KIAA1671: variants seen among roughly 807,000 people sequenced by gnomAD.
KIAA1671 encodes uncharacterized protein KIAA1671.
KIAA1671 carries 52 observed loss-of-function variants against 131.2 expected under a neutral mutation model. The ratio of observed to expected loss-of-function variants is 0.40; its 90% CI spans 0.32 to 0.50. KIAA1671 has a LOEUF of 0.50. Ranked by LOEUF, KIAA1671 falls within the 20% of genes least tolerant of loss-of-function variation. KIAA1671 has a pLI of 0.73. For missense variants in KIAA1671, 2,360 were observed against 2,364.2 expected (o/e 1.00, Z 0.04); for synonymous variants, 1,003 against 961.6 (o/e 1.04, Z -0.80).
chr22:25,031,192 A>G (rs1282146110), intron 3 of KIAA1671, among the ~76,000 whole-genome samples: 6 of 134,752 alleles, frequency 4.5e-5, no homozygotes, highest in Admixed American at 7.2e-5. Context: ...ACACCCAGCT[A>G]ATTTTTTTTT....
chr22:25,069,921 A>G lies in KIAA1671; in HGVS notation c.4530+20557A>G, dbSNP rs187137663. 253 of 156,200 alleles carry G rather than the reference A, an allele frequency of 1.6e-3. 3 individuals are homozygous for G. The South Asian group carries it at 0.041, about 25-fold the overall frequency. The allele number at this position is 156,200 out of a possible 1,614,324, so 9.7% of individuals were successfully genotyped here. A position where few individuals can be genotyped will look rare whatever the true frequency, so the allele number is the denominator to read the frequency against. ...TGCACACATACTTGACTCCACGTAAAAGCATGTACACACACACTCCTTCAT... is the reference window on the plus strand; with the variant it reads ...TGCACACATACTTGACTCCACGTAAGAGCATGTACACACACACTCCTTCAT... On this transcript the variant is annotated intron_variant, in intron 6 of 12. Transcript: ENST00000358431.
At chr22:24,985,045 A>G (rs764727056) in intron 1 of KIAA1671, among the ~76,000 whole-genome samples, 1 of 152,088 alleles carries the variant, frequency 6.6e-6, no homozygotes, top group African/African-American at 2.4e-5. Context: ...GATAATTCCA[A>G]CTGTTCCAGA....
intron 6 of KIAA1671, among the ~76,000 whole-genome samples, chr22:25,116,642 G>T (rs368047195): frequency 6.6e-6 from 1 of 151,108 alleles, no homozygotes; most frequent in African/African-American, 2.4e-5. Context: ...GGCTGGTCTC[G>T]AACTCTGGCC....
chr22:24,986,973 C>G (rs939426688), intron 1 of KIAA1671, among the ~76,000 whole-genome samples: 21 of 151,814 alleles, frequency 1.4e-4, no homozygotes, highest in Non-Finnish European at 2.9e-4. Flanking sequence ...GCCATAAGAC[C>G]TCTGTCACAC....
chr22:25,108,648 T>C (rs528042837), intron 6 of KIAA1671, among the ~76,000 whole-genome samples: 29 of 152,278 alleles, frequency 1.9e-4, no homozygotes, highest in Non-Finnish European at 3.4e-4. Flanking sequence ...GGTGGAGTAA[T>C]ACTTCTGGAT....
At chr22:25,089,048 A>G (rs1450318333) in intron 6 of KIAA1671, among the ~76,000 whole-genome samples, 1 of 152,208 alleles carries the variant, frequency 6.6e-6, no homozygotes, top group African/African-American at 2.4e-5. Flanking sequence ...TATTCCCTAA[A>G]CAATACAGCA....
chr22:25,061,316 T>C (rs911682937), intron 6 of KIAA1671: 4 of 152,166 alleles, frequency 2.6e-5, no homozygotes, highest in African/African-American at 7.2e-5. Flanking sequence ...CAAGCCTGGG[T>C]TCTGTGCCAC....
At chr22:25,117,955 A>G (rs918192844) in intron 6 of KIAA1671, among the ~76,000 whole-genome samples, 3 of 151,922 alleles carry the variant, frequency 2.0e-5, no homozygotes. Context: ...CTTGACCAAC[A>G]TGGAGAAACC....
At chr22:25,188,195 G>A (rs895667990) in intron 11 of KIAA1671, among the ~76,000 whole-genome samples, 1 of 152,154 alleles carries the variant, frequency 6.6e-6, no homozygotes, top group Non-Finnish European at 1.5e-5. Context: ...CAGCTACTCG[G>A]GAGGCTGAGG....
At chr22:25,027,460 G>A (rs1430621617) in intron 2 of KIAA1671, among the ~76,000 whole-genome samples, 1 of 152,344 alleles carries the variant, frequency 6.6e-6, no homozygotes, top group South Asian at 2.1e-4. Flanking sequence ...GGAAAACAGG[G>A]TAACAGGAGT....
chr22:25,160,088 A>G (rs1219107608), intron 6 of KIAA1671, among the ~76,000 whole-genome samples: 1 of 152,234 alleles, frequency 6.6e-6, no homozygotes, highest in Non-Finnish European at 1.5e-5. Flanking sequence ...GACATTAGCC[A>G]GCAGTCAGAG....
intron 5 of KIAA1671, among the ~76,000 whole-genome samples, chr22:25,043,461 G>C (rs1236961709): frequency 3.9e-5 from 6 of 152,176 alleles, no homozygotes; most frequent in African/African-American, 1.4e-4. Flanking sequence ...ACTGGTATTT[G>C]AACCCAAATC....
rs1225363781 is a variant in KIAA1671 at position 25,040,209 on chromosome 22, T to G, written c.3079T>G (p.Phe1027Val). The G allele has an allele frequency of 6.4e-7, 1 of 1,551,560 alleles. No individual in the cohort carries two copies. Among genetic ancestry groups the G allele is most frequent in the African/African-American group, 1.4e-5 (1 of 73,022 alleles). ...GTCACCTGTGGAACCCAAGGCGACA[T>G]TTTTTGCAGTCACCTATCAGATTCC... Reference protein sequence around the residue: ...QGSPVEPKATFFAVTYQIPNT... With the variant: ...QGSPVEPKATVFAVTYQIPNT... The change falls in exon 5 of 13, where the codon TTT (phenylalanine) becomes GTT (valine). Residue 1027 changes from phenylalanine to valine, a missense_variant. Around this residue, in one of 3 missense-constraint regions of KIAA1671, gnomAD observed 1,161 missense variants for 1,204.7 expected, o/e 0.96. Transcript: ENST00000358431.
rs1932054697 is a variant in KIAA1671, at chr22:25,123,768, A to AT, written c.4531-47050dup. On this transcript the variant is annotated intron_variant, in intron 6 of 12. Transcript: ENST00000358431. ...TCATGAGATACCCTGAGCCAGGACC[A>AT]TTCACTGAAATCCTTCCTAGATCCC... is the stretch of plus-strand genomic sequence containing the variant. 2.0e-5 allele frequency among the ~76,000 whole-genome samples: 3 copies of AT among 152,240 alleles called. No homozygotes were observed. The South Asian group carries it at 6.2e-4, about 32-fold the overall frequency.
intron 1 of KIAA1671, chr22:25,024,473 T>G (rs1329375043): frequency 5.9e-5 from 9 of 152,160 alleles, no homozygotes; most frequent in Admixed American, 1.3e-4. Context: ...CTTGTGAAAC[T>G]GATAGGGGTC....
intron 6 of KIAA1671, among the ~76,000 whole-genome samples, chr22:25,146,334 G>T (rs1375624071): frequency 6.6e-6 from 1 of 152,168 alleles, no homozygotes; most frequent in African/African-American, 2.4e-5. Context: ...GGCTTTGTAG[G>T]ATAAGTCGCT....
chr22:25,054,070 G>A (rs868844812), intron 6 of KIAA1671: 6 of 151,188 alleles, frequency 4.0e-5, no homozygotes, highest in African/African-American at 1.2e-4. Context: ...TTAGACTGGC[G>A]TGGTGTTGCG....
intron 6 of KIAA1671, among the ~76,000 whole-genome samples, chr22:25,104,853 C>G (rs111961701): frequency 6.6e-5 from 10 of 152,088 alleles, no homozygotes; most frequent in African/African-American, 2.4e-4. Context: ...TTTGAGTTGG[C>G]CTTCCACCCT....
At chr22:25,179,442 G>A in intron 9 of KIAA1671, 2 of 1,613,494 alleles carry the variant, frequency 1.2e-6, no homozygotes, top group Non-Finnish European at 1.7e-6. Context: ...TTGTAGTTGA[G>A]CTTCTCCTCC....
Sources: gnomAD v4.1 joint callset for allele counts (sites outside exome capture counted in the v4.1 genomes callset) on GRCh38, gnomAD v4.1.1 for gene constraint, gnomAD v4.1.1 regional missense constraint, MANE v1.5 for transcripts, NCBI Gene and HGNC (gene_info 2026-07-23, HGNC 2026-07-21) for gene names.